The following INPP5D variants were observed in gnomAD, a reference collection of about 807,000 sequenced individuals.
INPP5D encodes phosphatidylinositol 3,4,5-trisphosphate 5-phosphatase 1.
In INPP5D, 33 loss-of-function variants were observed where a neutral mutation model predicts 122.9. That is an observed-to-expected ratio of 0.27 (90% CI 0.20 to 0.36). The LOEUF (loss-of-function observed/expected upper bound fraction) is 0.36. Among genes scored for constraint, INPP5D ranks in the 10% least tolerant of loss-of-function variants. The pLI, the probability that INPP5D is intolerant of heterozygous loss-of-function variation, is 1.00. For missense variants in INPP5D, 1,053 were observed against 1,412.7 expected (o/e 0.75, Z 4.08); for synonymous variants, 584 against 576.2 (o/e 1.01, Z -0.19).
intron 1 of INPP5D, among the ~76,000 whole-genome samples, chr2:233,073,795 C>T (rs1053961588): frequency 1.3e-5 from 2 of 151,776 alleles, no homozygotes; most frequent in Non-Finnish European, 2.9e-5. Context: ...GTGTCTTTTT[C>T]CTCGTTCACT....
intron 23 of INPP5D, among the ~76,000 whole-genome samples, chr2:233,194,488 CTTTTTTTTTTTT>C (rs544200839): frequency 2.3e-5 from 2 of 88,712 alleles, no homozygotes; most frequent in Non-Finnish European, 4.1e-5. Flanking sequence ...TTCTAAACTG[CTTTTTTTTTTTT>C]TTTTTTTTTT....
Position 233,199,881 on chromosome 2 carries a change from C to T in INPP5D, c.2975+1505C>T, listed in dbSNP as rs1574806523. Among the ~76,000 whole-genome samples the T allele has an allele frequency of 4.6e-5, 7 of 152,176 alleles. No individual in the cohort carries two copies. The East Asian group carries it at 1.2e-3, about 25-fold the overall frequency. On this transcript the variant is annotated intron_variant, in intron 25 of 26. Coordinates refer to ENST00000445964, the MANE Select transcript of INPP5D (RefSeq NM_001017915.3). ...AGCTAGTTAACCTTTGGGCATCTCCCGCTCCCTAGAGGGCCCTGTGGAACA... is the reference window on the plus strand; with the variant it reads ...AGCTAGTTAACCTTTGGGCATCTCCTGCTCCCTAGAGGGCCCTGTGGAACA...
At chr2:233,135,402 T>C (rs1393896188) in intron 5 of INPP5D, among the ~76,000 whole-genome samples, 3 of 151,872 alleles carry the variant, frequency 2.0e-5, no homozygotes, top group Non-Finnish European at 4.4e-5. Flanking sequence ...AGTTTCACTA[T>C]ATTGCCCTGG....
At position 233,204,294 on chromosome 2, in the gene INPP5D, G is replaced by T. The variant is rs762287573; in HGVS notation, c.3144G>T (p.Pro1048=). The change falls in exon 26 of 27, where the codon CCG becomes CCT. Residue 1048 remains proline, a synonymous_variant. Coordinates refer to ENST00000445964, the MANE Select transcript of INPP5D (RefSeq NM_001017915.3). ...CCAAAATGCCGCGGAAGGAACCCCC[G>T]CCCTGCCCGGAACCCGGCATCTTGT... ...ESPKMPRKEP[P]PCPEPGILSP... 6.2e-6 allele frequency: 10 copies of T among 1,612,770 alleles called. No individual in the cohort carries two copies. In the African/African-American group the frequency reaches 9.3e-5, roughly 15 times the overall value.
chr2:233,079,989 G>A (rs1016156370), intron 2 of INPP5D, among the ~76,000 whole-genome samples: 3 of 152,146 alleles, frequency 2.0e-5, no homozygotes, highest in African/African-American at 7.2e-5. Context: ...GAGTGCAGTG[G>A]CGCCATGTCG....
At position 233,082,960 on chromosome 2, in the gene INPP5D, G is replaced by A. The variant is rs937817800; in HGVS notation, c.198+3562G>A. On this transcript the variant is annotated intron_variant, in intron 2 of 26. Coordinates refer to ENST00000445964, the MANE Select transcript of INPP5D (RefSeq NM_001017915.3). This position sits in a 1 kb window ranked among gnomAD's most constrained non-coding sequence, Gnocchi z 4.7. ...CCAGGACTCTGCCCAGAGGGACAGGGAGACAGGGCAATGTGGCCTCTCAGA... is the reference window on the plus strand; with the variant it reads ...CCAGGACTCTGCCCAGAGGGACAGGAAGACAGGGCAATGTGGCCTCTCAGA... 6.6e-6 allele frequency among the ~76,000 whole-genome samples: 1 copy of A among 152,266 alleles called. No individual in the cohort carries two copies. Among genetic ancestry groups the A allele is most frequent in the East Asian group, 1.9e-4 (1 of 5,196 alleles).
At position 233,082,102 on chromosome 2, in the gene INPP5D, A is replaced by C. The variant is rs907726689; in HGVS notation, c.198+2704A>C. On this transcript the variant is annotated intron_variant, in intron 2 of 26. Coordinates refer to ENST00000445964, the MANE Select transcript of INPP5D (RefSeq NM_001017915.3). This position sits in a 1 kb window ranked among gnomAD's most constrained non-coding sequence, Gnocchi z 4.7. ...TCTCTGCTCCTGACCCCGGCACTAG[A>C]TCTGTGACCTCCGCAGTAGCTGACA... is the stretch of plus-strand genomic sequence containing the variant. Among the ~76,000 whole-genome samples, 2 of 152,048 alleles carry C rather than the reference A, an allele frequency of 1.3e-5. No homozygotes were observed. Among genetic ancestry groups the C allele is most frequent in the Non-Finnish European group, 2.9e-5 (2 of 68,012 alleles).
rs906028508 is a variant in INPP5D, at chr2:233,103,257, T to C, written c.199-18850T>C. Among the ~76,000 whole-genome samples, 4 of 152,286 alleles carry C rather than the reference T, an allele frequency of 2.6e-5. No homozygotes were observed. The East Asian group carries it at 7.7e-4, about 29-fold the overall frequency. On this transcript the variant is annotated intron_variant, in intron 2 of 26. Coordinates refer to ENST00000445964, the MANE Select transcript of INPP5D (RefSeq NM_001017915.3). ...CTGCTGCACAAAGAATGACAACCCA[T>C]ATAGGTGGGTTGTCAAAGTGAGCCC... is the stretch of plus-strand genomic sequence containing the variant.
Position 233,125,754 on chromosome 2 carries a change from T to C in INPP5D, c.359T>C (p.Val120Ala), listed in dbSNP as rs1291148249. The change falls in exon 4 of 27, where the codon GTC becomes GCC. Residue 120 changes from valine (V) to alanine (A), a missense_variant. By Grantham distance (64) the Val-to-Ala change is moderately conservative (BLOSUM62 0). Coordinates refer to ENST00000445964, the MANE Select transcript of INPP5D (RefSeq NM_001017915.3). The part of the protein sequence containing the change: ...DDPEEDTVES[V>A]VSPPELPPRN... The stretch of plus-strand genomic sequence containing the variant: ...CTGCTGTTCTCTCCAGTAGAAAGTG[T>C]CGTGTCTCCACCCGAGCTGCCCCCA... 1 of 1,612,808 alleles carries C rather than the reference T, an allele frequency of 6.2e-7. No individual in the cohort carries two copies. The highest frequency in any genetic ancestry group is 1.3e-5 in the African/African-American group (1 of 74,892).
At position 233,189,067 on chromosome 2, in the gene INPP5D, C is replaced by A. The variant is rs1163672660; in HGVS notation, c.2359-783C>A. ...TGAAAAAGTCATAACTCGTGGCAGA[C>A]GAGGAGCTAGTGTGCGTGTGATGCT... On this transcript the variant is annotated intron_variant, in intron 21 of 26. Coordinates refer to ENST00000445964, the MANE Select transcript of INPP5D (RefSeq NM_001017915.3). The surrounding 1 kb of genome is among the most constrained non-coding windows in gnomAD (Gnocchi z 5.6). Among the ~76,000 whole-genome samples, 1 of 152,176 alleles carries A rather than the reference C, an allele frequency of 6.6e-6. No individual in the cohort carries two copies. The highest frequency in any genetic ancestry group is 1.5e-5 in the Non-Finnish European group (1 of 68,032).
intron 6 of INPP5D, among the ~76,000 whole-genome samples, chr2:233,141,825 G>C (rs909880910): frequency 4.3e-4 from 66 of 152,304 alleles, no homozygotes; most frequent in Non-Finnish European, 7.1e-4. Flanking sequence ...GGATGAGACT[G>C]GGGAGAAGGG....
chr2:233,200,859 T>A (rs1274211205), intron 25 of INPP5D, among the ~76,000 whole-genome samples: 1 of 151,852 alleles, frequency 6.6e-6, no homozygotes, highest in Non-Finnish European at 1.5e-5. Context: ...CTCAGGAGTC[T>A]CTGAGACACG....
intron 2 of INPP5D, among the ~76,000 whole-genome samples, chr2:233,106,496 A>G (rs1005827218): frequency 6.6e-6 from 1 of 152,238 alleles, no homozygotes; most frequent in African/African-American, 2.4e-5. Flanking sequence ...CATGTGGCCA[A>G]GCCCAACATC....
At chr2:233,136,397 T>C (rs1693464656) in intron 5 of INPP5D, among the ~76,000 whole-genome samples, 1 of 151,876 alleles carries the variant, frequency 6.6e-6, no homozygotes, top group Non-Finnish European at 1.5e-5. Flanking sequence ...GAGAATCGCT[T>C]GAACCCAGGA....
rs146124708 is a variant in INPP5D at position 233,100,645 on chromosome 2, T to C, written c.198+21247T>C. Among the ~76,000 whole-genome samples the C allele has an allele frequency of 3.5e-4, 53 of 152,348 alleles. No individual in the cohort carries two copies. Among genetic ancestry groups the C allele is most frequent in the South Asian group, 1.2e-3 (6 of 4,828 alleles). ...TCTTCCCTGGGATGAGGCTTGGTTC[T>C]ACGGAAGCTGGGGTCGTCACAGCCT... On this transcript the variant is annotated intron_variant, in intron 2 of 26. Transcript: ENST00000445964. This position sits in a 1 kb window ranked among gnomAD's most constrained non-coding sequence, Gnocchi z 5.3.
rs376435860 is a variant in INPP5D at position 233,161,837 on chromosome 2, G to A, written c.1240+11G>A. 3.4e-5 allele frequency: 55 copies of A among 1,609,252 alleles called. No individual in the cohort carries two copies. Among genetic ancestry groups the A allele is most frequent in the African/African-American group, 1.2e-4 (9 of 74,750 alleles). ...GCACCTGGAACATGGGTGGGTCCGC[G>A]CGCCCCCTCCCTGCAGTCACCCCCT... is the stretch of plus-strand genomic sequence containing the variant. On this transcript the variant is annotated intron_variant, in intron 11 of 26. Coordinates refer to ENST00000445964, the MANE Select transcript of INPP5D (RefSeq NM_001017915.3).
intron 2 of INPP5D, among the ~76,000 whole-genome samples, chr2:233,085,695 C>T (rs761092165): frequency 1.1e-4 from 17 of 152,134 alleles, no homozygotes; most frequent in East Asian, 3.9e-4. Context: ...AGCCTCCCCC[C>T]GTTTTCTAGC....
intron 18 of INPP5D, among the ~76,000 whole-genome samples, chr2:233,181,461 T>G (rs74547226): frequency 0.052 from 7,968 of 152,224 alleles, 269 homozygotes; most frequent in East Asian, 0.19. Context: ...AGCCCAGACA[T>G]GCTCAGGTCT....
At chr2:233,109,441 C>A (rs1692552957) in intron 2 of INPP5D, among the ~76,000 whole-genome samples, 1 of 152,164 alleles carries the variant, frequency 6.6e-6, no homozygotes, top group Non-Finnish European at 1.5e-5. Flanking sequence ...GGCATTGTTG[C>A]AACTATTTGG....
Sources: allele counts gnomAD v4.1 joint callset (sites outside exome capture counted in the v4.1 genomes callset), GRCh38; gene constraint gnomAD v4.1.1; non-coding constraint Gnocchi (gnomAD v3.1); transcripts MANE v1.5; gene names NCBI Gene and HGNC (gene_info 2026-07-23, HGNC 2026-07-21).